The following CTNNA3 variants were observed in gnomAD, a reference collection of about 807,000 sequenced individuals.
CTNNA3 encodes catenin alpha 3, also known as catenin alpha-3.
CTNNA3 carries 76 observed loss-of-function variants against 95.7 expected under a neutral mutation model. The ratio of observed to expected loss-of-function variants is 0.79; its 90% confidence interval spans 0.66 to 0.96. The LOEUF (loss-of-function observed/expected upper bound fraction) is 0.96. Among genes scored for constraint, CTNNA3 ranks in the 40% least tolerant of loss-of-function variants. The pLI is 0.00. For synonymous variants in CTNNA3, 431 were observed against 374.4 expected, an observed-to-expected ratio of 1.15 and a Z score of -1.74; for missense variants, 1,191 against 1,089.8, an observed-to-expected ratio of 1.09 and a Z score of -1.31.
chr10:67,033,793 C>T (rs890210898), intron 7 of CTNNA3, among the ~76,000 whole-genome samples: 6 of 151,920 alleles, frequency 3.9e-5, no homozygotes, highest in Admixed American at 6.6e-5. Flanking sequence ...TTTTTTTGGA[C>T]GAAGTCTCAC....
At chr10:66,154,500 A>G (rs1299553626) in intron 13 of CTNNA3, among the ~76,000 whole-genome samples, 1 of 151,364 alleles carries the variant, frequency 6.6e-6, no homozygotes, top group Non-Finnish European at 1.5e-5. Context: ...ATATCTTGAT[A>G]TTCATTTTCA....
chr10:66,905,378 AG>A (rs1179279918), intron 7 of CTNNA3, among the ~76,000 whole-genome samples: 1 of 152,082 alleles, frequency 6.6e-6, no homozygotes, highest in East Asian at 1.9e-4. Context: ...TGGGGGTTGG[AG>A]GACTGGGGAA....
At chr10:67,021,239 A>G (rs572976264) in intron 7 of CTNNA3, among the ~76,000 whole-genome samples, 1 of 152,330 alleles carries the variant, frequency 6.6e-6, no homozygotes, top group South Asian at 2.1e-4. Context: ...CAACTTTGTC[A>G]ATTATTAAGC....
chr10:65,955,428 A>T (rs147009099), intron 17 of CTNNA3, among the ~76,000 whole-genome samples: 13,707 of 152,144 alleles, frequency 0.09, 743 homozygotes, highest in Middle Eastern at 0.16. Flanking sequence ...CACTATGTTG[A>T]ATAGGAGTGG....
chr10:67,758,963 G>C (rs1336014996), intron 1 of CTNNA3, among the ~76,000 whole-genome samples: 3 of 152,060 alleles, frequency 2.0e-5, no homozygotes, highest in African/African-American at 7.2e-5. Flanking sequence ...AGACTGCTTA[G>C]GTAGGAAAAT....
chr10:66,733,730 T>C (rs930411476), intron 9 of CTNNA3, among the ~76,000 whole-genome samples: 1 of 151,734 alleles, frequency 6.6e-6, no homozygotes, highest in African/African-American at 2.4e-5. Context: ...AGATTTTCTC[T>C]GTATTTGTAA....
At chr10:66,229,775 G>A (rs1475703065) in intron 13 of CTNNA3, among the ~76,000 whole-genome samples, 1 of 151,882 alleles carries the variant, frequency 6.6e-6, no homozygotes, top group African/African-American at 2.4e-5. Context: ...CTAAGACTTA[G>A]GACATTTTTA....
At chr10:66,151,882 A>G (rs1035387904) in intron 13 of CTNNA3, among the ~76,000 whole-genome samples, 1 of 152,044 alleles carries the variant, frequency 6.6e-6, no homozygotes, top group African/African-American at 2.4e-5. Context: ...TGATTTAACT[A>G]GAAATGATAA....
chr10:67,044,350 T>G (rs1218872489), intron 7 of CTNNA3, among the ~76,000 whole-genome samples: 1 of 152,182 alleles, frequency 6.6e-6, no homozygotes, highest in Admixed American at 6.5e-5. Context: ...TTATTTCTCA[T>G]AGGATTTTAA....
intron 1 of CTNNA3, among the ~76,000 whole-genome samples, chr10:67,731,715 T>C (rs549855627): frequency 6.8e-6 from 1 of 147,356 alleles, no homozygotes; most frequent in Non-Finnish European, 1.5e-5. Flanking sequence ...GGCAGGAAAA[T>C]GGCGTGAACC....
intron 12 of CTNNA3, among the ~76,000 whole-genome samples, chr10:66,332,314 G>A (rs1477674083): frequency 2.6e-5 from 4 of 151,616 alleles, no homozygotes; most frequent in Non-Finnish European, 5.9e-5. Flanking sequence ...GGGTATCCCT[G>A]TCTTGTGCCA....
chr10:67,487,279 C>T (rs974910120), intron 5 of CTNNA3, among the ~76,000 whole-genome samples: 45 of 152,288 alleles, frequency 3.0e-4, no homozygotes, highest in African/African-American at 1.1e-3. Flanking sequence ...GTAAGACATC[C>T]CCCTTGGCAA....
At chr10:66,120,383 T>A (rs1343728594) in intron 13 of CTNNA3, among the ~76,000 whole-genome samples, 2 of 152,176 alleles carry the variant, frequency 1.3e-5, no homozygotes, top group Non-Finnish European at 2.9e-5. Flanking sequence ...TCAATAAATA[T>A]TAAGTATACT....
intron 11 of CTNNA3, among the ~76,000 whole-genome samples, chr10:66,422,899 G>C (rs756490795): frequency 2.0e-5 from 3 of 151,776 alleles, no homozygotes; most frequent in Non-Finnish European, 4.4e-5. Context: ...CAAAGTGCTG[G>C]AATTACAGAC....
intron 7 of CTNNA3, among the ~76,000 whole-genome samples, chr10:66,918,481 T>C (rs1460734455): frequency 6.6e-6 from 1 of 152,208 alleles, no homozygotes; most frequent in Non-Finnish European, 1.5e-5. Context: ...CTGGATATTC[T>C]GCTCAAATTA....
At chr10:66,315,088 G>C (rs963038012) in intron 12 of CTNNA3, among the ~76,000 whole-genome samples, 3 of 151,922 alleles carry the variant, frequency 2.0e-5, no homozygotes, top group African/African-American at 7.2e-5. Context: ...GTACACCGTG[G>C]TTCTTTCTTT....
rs189669379 is a variant in CTNNA3 at position 65,919,718 on chromosome 10, A to T, written c.*612T>A. ...ACAAGGTTGACCTTCAAAATCCAGC[A>T]AGTAGCCTAACTATTCAAATTTGAT... On this transcript the variant is annotated 3_prime_UTR_variant, in exon 18 of 18. Transcript: ENST00000433211. 2.1e-4 allele frequency: 32 copies of T among 152,396 alleles called. No individual in the cohort carries two copies. Among genetic ancestry groups the T allele is most frequent in the African/African-American group, 7.0e-4 (29 of 41,568 alleles). The allele number at this position is 152,396 out of a possible 1,614,324, so 9.4% of individuals were successfully genotyped here. A position where few individuals can be genotyped will look rare whatever the true frequency, so the allele number is the denominator to read the frequency against.
At chr10:66,406,016 A>G (rs958345102) in intron 11 of CTNNA3, among the ~76,000 whole-genome samples, 1 of 152,158 alleles carries the variant, frequency 6.6e-6, no homozygotes, top group African/African-American at 2.4e-5. Context: ...CAGTGGAAAG[A>G]GAGAGGCAAA....
intron 5 of CTNNA3, among the ~76,000 whole-genome samples, chr10:67,331,163 A>G (rs1335405850): frequency 6.6e-6 from 1 of 152,158 alleles, no homozygotes; most frequent in Non-Finnish European, 1.5e-5. Flanking sequence ...GTGTTGGAGT[A>G]GTGTTGCTGG....
Sources: allele counts gnomAD v4.1 joint callset (sites outside exome capture counted in the v4.1 genomes callset), GRCh38; gene constraint gnomAD v4.1.1; transcripts MANE v1.5; gene names NCBI Gene and HGNC (gene_info 2026-07-23, HGNC 2026-07-21).